LY6H: variants seen among roughly 807,000 people sequenced by gnomAD.
LY6H encodes lymphocyte antigen 6 family member H, also known as lymphocyte antigen 6H.
Under a neutral mutation model 14.6 loss-of-function variants are expected in LY6H, and 8 were observed. The observed-to-expected ratio is 0.55, with a 90% CI of 0.32 to 0.99. The LOEUF (loss-of-function observed/expected upper bound fraction) is 0.99. Among genes scored for constraint, LY6H ranks in the 50% least tolerant of loss-of-function variants. The probability of loss-of-function intolerance (pLI) is 0.04; values close to 1 mark genes in which losing one functional copy is unlikely to be tolerated. For missense variants in LY6H, 196 were observed against 219.6 expected (o/e 0.89, Z 0.68); for synonymous variants, 115 against 97.2 (o/e 1.18, Z -1.08).
intron 2 of LY6H, 81 bp downstream of exon 2, chr8:143,159,501 G>A (rs1815540250): frequency 1.4e-6 from 2 of 1,395,846 alleles, no homozygotes; most frequent in African/African-American, 1.5e-5. Flanking sequence ...CCGTCAGAGG[G>A]TGGCAGCCCC....
chr8:143,160,077 C>A, intron 1 of LY6H, 121 bp downstream of exon 1: 4 of 936,712 alleles, frequency 4.3e-6, no homozygotes, highest in Non-Finnish European at 5.6e-6. Context: ...CACCCCCACC[C>A]CTGGGCTGGG....
intron 3 of LY6H, 60 bp downstream of exon 3, chr8:143,158,743 T>C (rs1815514515): frequency 6.5e-7 from 1 of 1,548,264 alleles, no homozygotes; most frequent in Non-Finnish European, 8.8e-7. Flanking sequence ...AGGACACCTC[T>C]GACCTCTCTC....
At chr8:143,158,624 G>A (rs1172388572) in intron 3 of LY6H, 139 bp from the exon 4 acceptor site, 1 of 1,147,460 alleles carries the variant, frequency 8.7e-7, no homozygotes, top group East Asian at 2.4e-5. Context: ...CTCCCACGCT[G>A]GCCTCAACTA....
chr8:143,159,816 C>T, intron 1 of LY6H, 107 bp from the exon 2 acceptor site: 2 of 1,232,712 alleles, frequency 1.6e-6, no homozygotes. Context: ...GCCCGGAGCT[C>T]GCAGAGCCCC....
intron 1 of LY6H, chr8:143,159,949 C>G: frequency 8.1e-7 from 1 of 1,236,544 alleles, no homozygotes. Flanking sequence ...TGTGGGGGAG[C>G]GGATGGGGGG....
intron 3 of LY6H, 35 bp from the exon 4 acceptor site, chr8:143,158,520 C>G: frequency 6.5e-7 from 1 of 1,543,830 alleles, no homozygotes; most frequent in Non-Finnish European, 8.9e-7. Flanking sequence ...GACGGGGGCT[C>G]CTCCTGGGCC....
intron 2 of LY6H, chr8:143,159,334 C>A: frequency 1.8e-6 from 1 of 545,224 alleles, no homozygotes; most frequent in Non-Finnish European, 3.2e-6. Flanking sequence ...TGACGGATGA[C>A]CAAGGGCTTC....
chr8:143,159,375 G>A (rs908147250), intron 2 of LY6H: 27 of 605,876 alleles, frequency 4.5e-5, no homozygotes, highest in Non-Finnish European at 6.0e-5. Flanking sequence ...CCAGTTCCAG[G>A]CCCTGGAGGA....
intron 3 of LY6H, 122 bp downstream of exon 3, chr8:143,158,681 T>A: frequency 1.5e-6 from 2 of 1,341,422 alleles, no homozygotes; most frequent in South Asian, 2.8e-5. Context: ...CAGGACAGTA[T>A]CCTGCCTGCC....
intron 1 of LY6H, chr8:143,159,910 G>A (rs1367494845): frequency 2.5e-6 from 3 of 1,185,018 alleles, no homozygotes; most frequent in Non-Finnish European, 3.2e-6. Flanking sequence ...GTGACAGCTC[G>A]AGACGCCTCC....
chr8:143,160,467 T>C (rs1160370128), upstream of LY6H: 1 of 149,556 alleles, frequency 6.7e-6, no homozygotes, highest in African/African-American at 2.4e-5. Flanking sequence ...GCCCCCTTGC[T>C]GGCGCGCGCG....
rs773534344 is a variant in LY6H at position 143,158,239 on chromosome 8, A to C, written c.*11T>G. The C allele has an allele frequency of 3.1e-6, 5 of 1,589,442 alleles. 1 individual carries two copies. The South Asian group carries it at 5.6e-5, about 18-fold the overall frequency. ...GAGCAAGCTCAGAAGCCCCGTGGGAAGGAGGAGACATCAGGGCCCAGCCCA... is the reference window on the plus strand; with the variant it reads ...GAGCAAGCTCAGAAGCCCCGTGGGACGGAGGAGACATCAGGGCCCAGCCCA... On this transcript the variant is annotated 3_prime_UTR_variant, in exon 4 of 4. Coordinates refer to ENST00000342752, the MANE Select transcript of LY6H (RefSeq NM_001135655.2).
At chr8:143,159,916 C>T in intron 1 of LY6H, 2 of 1,206,026 alleles carry the variant, frequency 1.7e-6, no homozygotes, top group Non-Finnish European at 2.1e-6. Flanking sequence ...GCTCGAGACG[C>T]CTCCGCCCCG....
chr8:143,160,321 C>A lies in LY6H; in HGVS notation c.-122G>T. The A allele has an allele frequency of 1.3e-6, 1 of 784,064 alleles. No individual in the cohort carries two copies. The highest frequency in any genetic ancestry group is 1.8e-5 in the African/African-American group (1 of 55,230). 48.6% of individuals were successfully genotyped at this position (784,064 alleles called of 1,614,324 possible). On this transcript the variant is annotated 5_prime_UTR_variant, in exon 1 of 4. Coordinates refer to ENST00000342752, the MANE Select transcript of LY6H (RefSeq NM_001135655.2). ...GTCTTTCGGGGAACGCAGCCGCAGA[C>A]GCGGACCCCGCGCGAGGGGCGGGGC...
chr8:143,159,558 C>T (rs1249690298), intron 2 of LY6H, 24 bp downstream of exon 2: 3 of 1,492,278 alleles, frequency 2.0e-6, no homozygotes, highest in East Asian at 2.8e-5. Flanking sequence ...GGCACCTGAC[C>T]CAGCCCGCGG....
At chr8:143,159,060 A>G in intron 2 of LY6H, 138 bp from the exon 3 acceptor site, 1 of 1,234,690 alleles carries the variant, frequency 8.1e-7, no homozygotes, top group Non-Finnish European at 1.1e-6. Flanking sequence ...GGCCCCCATG[A>G]CCCCTGGAGG....
chr8:143,159,487 G>A, intron 2 of LY6H, 95 bp downstream of exon 2: 1 of 1,357,682 alleles, frequency 7.4e-7, no homozygotes, highest in Non-Finnish European at 9.6e-7. Context: ...AAGTGCGGTG[G>A]GAACCGTCAG....
rs575867128 is a variant in LY6H, at chr8:143,160,229, C to T, written c.-30G>A. Reference sequence around the variant, plus strand: ...GGGGTGTCCGCACTCCGGGCTCGGGCGGCGTGCGCGGCGCGGGGAGCTGTG... The same window carrying T: ...GGGGTGTCCGCACTCCGGGCTCGGGTGGCGTGCGCGGCGCGGGGAGCTGTG... On this transcript the variant is annotated 5_prime_UTR_variant, in exon 1 of 4. Transcript: ENST00000342752. The T allele has an allele frequency of 1.7e-4, 219 of 1,278,586 alleles. No individual in the cohort carries two copies. In the Admixed American group the frequency reaches 1.7e-3, roughly 10 times the overall value. The allele number at this position is 1,278,586 out of a possible 1,614,324, so 79.2% of individuals were successfully genotyped here. A position where few individuals can be genotyped will look rare whatever the true frequency, so the allele number is the denominator to read the frequency against.
intron 2 of LY6H, 165 bp from the exon 3 acceptor site, chr8:143,159,087 G>A: frequency 1.0e-6 from 1 of 955,486 alleles, no homozygotes; most frequent in Non-Finnish European, 1.6e-6. Context: ...AGAGGCCCTG[G>A]GACAACTGTG....
Sources: allele counts gnomAD v4.1 joint callset, GRCh38; gene constraint gnomAD v4.1.1; transcripts MANE v1.5; gene names NCBI Gene and HGNC (gene_info 2026-07-23, HGNC 2026-07-21).